The following KDM6A variants were observed in gnomAD, a reference collection of about 807,000 sequenced individuals.
KDM6A encodes lysine-specific demethylase 6A.
KDM6A carries 11 observed loss-of-function variants against 117.6 expected under a neutral mutation model. That is an observed-to-expected ratio of 0.09 (90% CI 0.06 to 0.15). The LOEUF (loss-of-function observed/expected upper bound fraction) is 0.15. Among genes scored for constraint, KDM6A ranks in the 10% least tolerant of loss-of-function variants. The pLI, the probability that KDM6A is intolerant of heterozygous loss-of-function variation, is 1.00. For synonymous variants in KDM6A, 384 were observed against 396.1 expected (o/e 0.97, Z 0.36); for missense variants, 799 against 1,077.3 (o/e 0.74, Z 3.62).
chrX:45,053,715 A>G, intron 9 of KDM6A, 114 bp from the exon 10 acceptor site: 2 of 614,028 alleles, frequency 3.3e-6, no homozygotes, highest in Non-Finnish European at 5.2e-6. Context: ...TCCAAACTAA[A>G]TTAATAAATT....
At chrX:44,896,075 A>ATT (rs34097389) in intron 2 of KDM6A, among the ~76,000 whole-genome samples, 4 of 99,427 alleles carry the variant, frequency 4.0e-5, no homozygotes, top group Non-Finnish European at 4.1e-5. Flanking sequence ...TTAAAAATAA[A>ATT]TTTTTTTTTT....
chrX:45,070,166 C>T lies in KDM6A; in HGVS notation c.2667C>T (p.Thr889=), dbSNP rs1399628505. Residue 889 remains threonine, a synonymous_variant, in exon 18 of 30, where the codon ACC becomes ACT. Transcript: ENST00000611820. ...CTCCAAAATCCACTGAGCAGACAAC[C>T]ACAAACAGTGTTACCAGCCTTAACA... ...TPSPKSTEQT[T]TNSVTSLNSP... 3 of 1,211,475 alleles carry T rather than the reference C, an allele frequency of 2.5e-6. No individual in the cohort carries two copies. The highest frequency in any genetic ancestry group is 3.4e-6 in the Non-Finnish European group (3 of 895,169).
At chrX:44,874,085 G>A (rs755876139) in intron 2 of KDM6A, 98 bp downstream of exon 2, 1 of 801,571 alleles carries the variant, frequency 1.2e-6, no homozygotes, top group East Asian at 3.3e-5. Context: ...TTGTGGCCAC[G>A]GACGATGGTC....
At chrX:45,067,667 T>TTTTTTTTC (rs1556322067) in intron 17 of KDM6A, among the ~76,000 whole-genome samples, 2 of 100,814 alleles carry the variant, frequency 2.0e-5, no homozygotes, top group African/African-American at 7.9e-5. Context: ...TTTTTTTTTT[T>TTTTTTTTC]TTTGAGATGG....
intron 2 of KDM6A, among the ~76,000 whole-genome samples, chrX:44,885,656 G>A (rs950802266): frequency 1.2e-4 from 13 of 110,533 alleles, no homozygotes; most frequent in African/African-American, 4.3e-4. Flanking sequence ...AGATCACATG[G>A]TCAGGAGTTC....
intron 4 of KDM6A, among the ~76,000 whole-genome samples, chrX:44,994,205 G>T (rs892042428): frequency 3.6e-5 from 4 of 111,855 alleles, no homozygotes; most frequent in African/African-American, 1.3e-4. Flanking sequence ...TCTTGTCTAA[G>T]TGAAACTTCG....
chrX:45,093,673 G>A (rs1479784794), intron 27 of KDM6A, among the ~76,000 whole-genome samples: 1 of 110,964 alleles, frequency 9.0e-6, no homozygotes, highest in African/African-American at 3.3e-5. Flanking sequence ...TGTCATTAAT[G>A]TAAACATTAA....
At chrX:45,021,885 A>G (rs1300386900) in intron 6 of KDM6A, among the ~76,000 whole-genome samples, 2 of 112,047 alleles carry the variant, frequency 1.8e-5, no homozygotes, top group Admixed American at 9.5e-5. Context: ...AGCTTAGAGT[A>G]GTAGCATTTC....
intron 24 of KDM6A, 86 bp downstream of exon 24, chrX:45,083,694 T>C: frequency 1.2e-6 from 1 of 838,374 alleles, no homozygotes; most frequent in Admixed American, 2.5e-5. Flanking sequence ...AATCTTGTCA[T>C]TTATAATGAA....
At chrX:45,065,645 A>G (rs2044500032) in intron 17 of KDM6A, among the ~76,000 whole-genome samples, 1 of 111,859 alleles carries the variant, frequency 8.9e-6, no homozygotes, top group African/African-American at 3.3e-5. Context: ...ATATAGAGTG[A>G]TGTGTGAGAA....
intron 4 of KDM6A, among the ~76,000 whole-genome samples, chrX:44,980,555 G>A (rs1461406007): frequency 9.5e-6 from 1 of 105,489 alleles, no homozygotes; most frequent in Non-Finnish European, 1.9e-5. Context: ...TATGTTTTAC[G>A]TTTGTTTTTT....
At chrX:44,874,040 G>T in intron 2 of KDM6A, 53 bp downstream of exon 2, 1 of 1,103,224 alleles carries the variant, frequency 9.1e-7, no homozygotes, top group Middle Eastern at 2.5e-4. Context: ...CCGGCGCCGC[G>T]CTCGCCCCGG....
intron 2 of KDM6A, among the ~76,000 whole-genome samples, chrX:44,938,631 C>T (rs1430921381): frequency 8.9e-6 from 1 of 112,345 alleles, no homozygotes; most frequent in African/African-American, 3.2e-5. Context: ...CAGTGATCTG[C>T]ACTGCACTAA....
At chrX:45,074,285 T>A (rs936974866) in intron 18 of KDM6A, among the ~76,000 whole-genome samples, 1 of 111,778 alleles carries the variant, frequency 8.9e-6, no homozygotes, top group African/African-American at 3.3e-5. Context: ...ATCTGCTTCT[T>A]TCTTCAACTC....
intron 17 of KDM6A, among the ~76,000 whole-genome samples, chrX:45,067,909 C>T (rs928714500): frequency 4.5e-5 from 5 of 110,790 alleles, no homozygotes; most frequent in African/African-American, 1.6e-4. Context: ...GCCTTGGCCT[C>T]CCAATGTGCT....
At chrX:45,099,305 T>TC (rs2046240538) in intron 27 of KDM6A, among the ~76,000 whole-genome samples, 1 of 110,535 alleles carries the variant, frequency 9.0e-6, no homozygotes, top group African/African-American at 3.3e-5. Flanking sequence ...CTTTTTTTTT[T>TC]TTTAAGCACT....
chrX:44,924,880 A>T (rs984779365), intron 2 of KDM6A, among the ~76,000 whole-genome samples: 3 of 110,622 alleles, frequency 2.7e-5, no homozygotes, highest in Non-Finnish European at 3.8e-5. Flanking sequence ...GTAGCTATGG[A>T]GTCTCCCTAT....
intron 8 of KDM6A, among the ~76,000 whole-genome samples, chrX:45,040,465 C>G (rs1466260435): frequency 2.3e-4 from 20 of 86,361 alleles, no homozygotes; most frequent in Non-Finnish European, 4.2e-4. Context: ...CCCCACCTCC[C>G]TCCCGGATGG....
intron 2 of KDM6A, among the ~76,000 whole-genome samples, chrX:44,949,502 T>G (rs1282273349): frequency 9.0e-6 from 1 of 111,544 alleles, no homozygotes; most frequent in Non-Finnish European, 1.9e-5. Flanking sequence ...GCACTTATTT[T>G]GGGGGAGGGT....
Sources: allele counts gnomAD v4.1 joint callset (sites outside exome capture counted in the v4.1 genomes callset), GRCh38; gene constraint gnomAD v4.1.1; transcripts MANE v1.5; gene names NCBI Gene and HGNC (gene_info 2026-07-23, HGNC 2026-07-21).